GRM8: variants seen among roughly 807,000 people sequenced by gnomAD.
GRM8 encodes glutamate metabotropic receptor 8, also known as metabotropic glutamate receptor 8.
Under a neutral mutation model 87.2 loss-of-function variants are expected in GRM8, and 47 were observed. The observed-to-expected ratio is 0.54, with a 90% CI of 0.43 to 0.69. GRM8 has a LOEUF of 0.69. GRM8 is among the 30% of genes least tolerant of loss of function. The pLI, the probability that GRM8 is intolerant of heterozygous loss-of-function variation, is 0.00. For synonymous variants in GRM8, 396 were observed against 404.5 expected, an observed-to-expected ratio of 0.98 and a Z score of 0.25; for missense variants, 1,019 against 1,139.2, an observed-to-expected ratio of 0.89 and a Z score of 1.52.
At position 126,609,349 on chromosome 7, in the gene GRM8, TG is replaced by T; in HGVS notation, c.1494+12del. 1.2e-6 allele frequency: 2 copies of T among 1,607,844 alleles called. No homozygotes were observed. The highest frequency in any genetic ancestry group is 1.7e-6 in the Non-Finnish European group (2 of 1,174,888). Reference sequence around the variant, plus strand: ...AGCTATATACATTAATATATGTTTATGACGATACTTGCTTTTAGATGAAGCT... The same window carrying T: ...AGCTATATACATTAATATATGTTTATACGATACTTGCTTTTAGATGAAGCT... On this transcript the variant is annotated intron_variant, in intron 8 of 10. Coordinates refer to ENST00000339582, the MANE Select transcript of GRM8 (RefSeq NM_000845.3).
chr7:126,556,598 G>T (rs1262720324), intron 8 of GRM8, among the ~76,000 whole-genome samples: 1 of 152,156 alleles, frequency 6.6e-6, no homozygotes. Flanking sequence ...AGTGAGCTGA[G>T]ATTGCACCAC....
At chr7:126,790,650 C>T (rs921572048) in intron 6 of GRM8, among the ~76,000 whole-genome samples, 7 of 152,062 alleles carry the variant, frequency 4.6e-5, no homozygotes, top group African/African-American at 1.4e-4. Context: ...TTCTTACGGT[C>T]GTGCCAAGGC....
intron 7 of GRM8, among the ~76,000 whole-genome samples, chr7:126,666,276 T>C (rs1805754064): frequency 6.6e-6 from 1 of 152,158 alleles, no homozygotes; most frequent in Non-Finnish European, 1.5e-5. Context: ...GACATGCTGA[T>C]CAAAGTTGTA....
intron 7 of GRM8, among the ~76,000 whole-genome samples, chr7:126,662,412 G>A (rs548335776): frequency 1.3e-3 from 191 of 152,208 alleles, no homozygotes; most frequent in African/African-American, 4.5e-3. Context: ...TCAAAAAAAA[G>A]TCCTAATAAA....
Position 126,612,800 on chromosome 7 carries a change from C to T in GRM8, c.1358-3302G>A, listed in dbSNP as rs185134059. ...CATGAAAGAGGCATCCCCTAATGAT[C>T]CCAAGCAAATCCATGCTTCCCTCTT... On this transcript the variant is annotated intron_variant, in intron 7 of 10. Transcript: ENST00000339582. Among the ~76,000 whole-genome samples, 9 of 152,296 alleles carry T rather than the reference C, an allele frequency of 5.9e-5. No homozygotes were observed. In the East Asian group the frequency reaches 1.7e-3, roughly 29 times the overall value.
intron 3 of GRM8, among the ~76,000 whole-genome samples, chr7:126,954,810 T>C (rs1487418747): frequency 6.6e-6 from 1 of 152,198 alleles, no homozygotes; most frequent in Non-Finnish European, 1.5e-5. Context: ...ACTGCAGTAT[T>C]ACTGTTTGCA....
chr7:126,833,304 C>T (rs1416450032), intron 6 of GRM8, among the ~76,000 whole-genome samples: 1 of 152,190 alleles, frequency 6.6e-6, no homozygotes, highest in African/African-American at 2.4e-5. Flanking sequence ...GAGAACTTAT[C>T]ATCTGAGTAA....
At chr7:126,575,589 G>T (rs9641799) in intron 8 of GRM8, among the ~76,000 whole-genome samples, 46,857 of 151,566 alleles carry the variant, frequency 0.31, 8,113 homozygotes, top group East Asian at 0.44. Context: ...TCTGCTACTT[G>T]ACTCATGAGT....
intron 9 of GRM8, among the ~76,000 whole-genome samples, chr7:126,465,873 T>C (rs1217143097): frequency 6.6e-6 from 1 of 151,928 alleles, no homozygotes; most frequent in Non-Finnish European, 1.5e-5. Context: ...GAAAAACAAC[T>C]AGGCATCTTT....
At chr7:126,626,156 T>G (rs983983890) in intron 7 of GRM8, among the ~76,000 whole-genome samples, 1 of 149,422 alleles carries the variant, frequency 6.7e-6, no homozygotes, top group Non-Finnish European at 1.5e-5. Context: ...CTTTTCAAAT[T>G]TGCTGTACTA....
intron 2 of GRM8, among the ~76,000 whole-genome samples, chr7:127,172,152 T>G (rs983794719): frequency 4.6e-5 from 7 of 152,200 alleles, no homozygotes; most frequent in African/African-American, 1.7e-4. Flanking sequence ...AAGTGTAAAC[T>G]TTATACATGA....
At chr7:126,955,831 C>T (rs916228368) in intron 3 of GRM8, among the ~76,000 whole-genome samples, 1 of 151,230 alleles carries the variant, frequency 6.6e-6, no homozygotes, top group Non-Finnish European at 1.5e-5. Flanking sequence ...TTTTTTATTT[C>T]CTTAATAAGA....
intron 6 of GRM8, among the ~76,000 whole-genome samples, chr7:126,830,758 C>T (rs1795286998): frequency 6.6e-6 from 1 of 152,210 alleles, no homozygotes; most frequent in Non-Finnish European, 1.5e-5. Context: ...AACTGCGTTC[C>T]TTTGGAGGAG....
chr7:127,213,520 T>C (rs899249086), intron 2 of GRM8, among the ~76,000 whole-genome samples: 1 of 152,156 alleles, frequency 6.6e-6, no homozygotes, highest in Admixed American at 6.5e-5. Flanking sequence ...TAATATTGAG[T>C]TGGCTAATTT....
intron 3 of GRM8, among the ~76,000 whole-genome samples, chr7:126,943,553 C>T (rs759799677): frequency 1.3e-5 from 2 of 152,280 alleles, no homozygotes; most frequent in South Asian, 2.1e-4. Context: ...ATGCTTGGGG[C>T]CTTGTGGGAC....
intron 10 of GRM8, among the ~76,000 whole-genome samples, chr7:126,439,678 G>T (rs1801228955): frequency 6.6e-6 from 1 of 152,020 alleles, no homozygotes; most frequent in Non-Finnish European, 1.5e-5. Flanking sequence ...CCTCAGGCAG[G>T]TCCTCCAGGG....
At chr7:126,914,205 G>A (rs573768765) in intron 3 of GRM8, among the ~76,000 whole-genome samples, 56 of 152,252 alleles carry the variant, frequency 3.7e-4, no homozygotes, top group African/African-American at 1.3e-3. Flanking sequence ...AGAAATGCAA[G>A]TCAAAACCAC....
At chr7:126,572,753 G>T (rs1235314461) in intron 8 of GRM8, among the ~76,000 whole-genome samples, 1 of 152,158 alleles carries the variant, frequency 6.6e-6, no homozygotes, top group African/African-American at 2.4e-5. Context: ...TCCATGAAAT[G>T]ATATTCCATC....
intron 2 of GRM8, among the ~76,000 whole-genome samples, chr7:127,116,466 T>C (rs886834933): frequency 1.3e-5 from 2 of 152,136 alleles, no homozygotes; most frequent in Non-Finnish European, 2.9e-5. Flanking sequence ...CCCAGCCCCA[T>C]GGAACATATG....
Sources: gnomAD v4.1 joint callset for allele counts (sites outside exome capture counted in the v4.1 genomes callset) on GRCh38, gnomAD v4.1.1 for gene constraint, MANE v1.5 for transcripts, NCBI Gene and HGNC (gene_info 2026-07-23, HGNC 2026-07-21) for gene names.